MYH11: variants seen among roughly 807,000 people sequenced by gnomAD.
MYH11 encodes myosin-11.
In MYH11, 80 loss-of-function variants were observed where a neutral mutation model predicts 246.6. That is an observed-to-expected ratio of 0.32 (90% confidence interval 0.27 to 0.39). The LOEUF (loss-of-function observed/expected upper bound fraction) is 0.39, where lower values mean the gene tolerates loss of function less well. Ranked by LOEUF, MYH11 falls within the 10% of genes least tolerant of loss-of-function variation. MYH11 has a pLI of 1.00. For synonymous variants in MYH11, 1,071 were observed against 1,015.5 expected (o/e 1.05, Z -1.04); for missense variants, 2,158 against 2,546.8 (o/e 0.85, Z 3.29).
intron 24 of MYH11, among the ~76,000 whole-genome samples, chr16:15,738,094 ATAT>A (rs1389131361): frequency 2.0e-5 from 3 of 152,042 alleles, no homozygotes; most frequent in Admixed American, 6.6e-5. Context: ...CCCTTTTATC[ATAT>A]TATTAGTGCA....
intron 9 of MYH11, among the ~76,000 whole-genome samples, chr16:15,764,530 G>C (rs2041939616): frequency 6.6e-6 from 1 of 151,834 alleles, no homozygotes; most frequent in African/African-American, 2.4e-5. Flanking sequence ...CCGAACAAAA[G>C]AGGACAGATG....
At chr16:15,790,942 T>G (rs974986529) in intron 4 of MYH11, 3 of 148,438 alleles carry the variant, frequency 2.0e-5, no homozygotes, top group African/African-American at 7.5e-5. Context: ...ACGCTCTGCA[T>G]TTTTTTTCTT....
In MYH11 at chr16:15,750,042, G is replaced by T; in HGVS notation, c.2058+96C>A. 2 of 1,454,694 alleles carry T rather than the reference G, an allele frequency of 1.4e-6. No homozygotes were observed. Among genetic ancestry groups the T allele is most frequent in the East Asian group, 4.6e-5 (2 of 43,792 alleles). 90.1% of individuals were successfully genotyped at this position (1,454,694 alleles called of 1,614,324 possible). A position where few individuals can be genotyped will look rare whatever the true frequency, so the allele number is the denominator to read the frequency against. On this transcript the variant is annotated intron_variant, in intron 16 of 40. Coordinates refer to ENST00000300036, the MANE Select transcript of MYH11 (RefSeq NM_002474.3). The surrounding 1 kb of genome is among the most constrained non-coding windows in gnomAD (Gnocchi z 4.3). ...TCCCCACATGGAAAATGGGGTCCTC[G>T]GGGTAGGTGGGGGCAGAGGGCGCCC...
chr16:15,724,620 A>C (rs371060650), intron 30 of MYH11, 27 bp downstream of exon 30: 10 of 1,613,280 alleles, frequency 6.2e-6, no homozygotes, highest in Admixed American at 3.3e-5. Flanking sequence ...AGGACCCATG[A>C]AGGAAGCAAG....
At chr16:15,828,052 G>A (rs1386279378) in intron 2 of MYH11, among the ~76,000 whole-genome samples, 1 of 152,150 alleles carries the variant, frequency 6.6e-6, no homozygotes, top group African/African-American at 2.4e-5. Flanking sequence ...CCCTTGACCT[G>A]GAGGCAGTAA....
intron 3 of MYH11, among the ~76,000 whole-genome samples, chr16:15,815,583 G>C (rs2043244190): frequency 6.6e-6 from 1 of 152,058 alleles, no homozygotes. Context: ...CTAAGAAAAA[G>C]AAACAGAGAA....
At chr16:15,853,326 T>A (rs933257028) in intron 1 of MYH11, among the ~76,000 whole-genome samples, 1 of 151,762 alleles carries the variant, frequency 6.6e-6, no homozygotes, top group East Asian at 2.0e-4. Context: ...ATTTTAAAAA[T>A]TTTTTTGTAG....
chr16:15,771,542 C>T (rs771222917), intron 9 of MYH11, 27 bp downstream of exon 9: 7 of 1,612,676 alleles, frequency 4.3e-6, no homozygotes, highest in South Asian at 1.1e-5. Flanking sequence ...GGCAAGCTAC[C>T]CTCCAGACTC....
chr16:15,789,947 C>G (rs1487167550), intron 4 of MYH11, among the ~76,000 whole-genome samples: 1 of 152,210 alleles, frequency 6.6e-6, no homozygotes, highest in African/African-American at 2.4e-5. Flanking sequence ...CTCACTTCTC[C>G]TTTCCCACAA....
At chr16:15,828,660 G>A (rs149339967) in intron 2 of MYH11, among the ~76,000 whole-genome samples, 5,576 of 151,544 alleles carry the variant, frequency 0.037, 329 homozygotes, top group African/African-American at 0.13. Flanking sequence ...AGGCATGATG[G>A]CAGGCGCCTG....
chr16:15,720,227 A>G lies in MYH11; in HGVS notation c.4877T>C (p.Leu1626Pro), dbSNP rs2040394321. 1.9e-6 allele frequency: 3 copies of G among 1,614,036 alleles called. No individual in the cohort carries two copies. Among genetic ancestry groups the G allele is most frequent in the Non-Finnish European group, 2.5e-6 (3 of 1,179,998 alleles). ...AAAKKKLEGD[L>P]KDLELQADSA... ...GTCGGCCTGAAGCTCCAGGTCTTTC[A>G]GGTCCCCTTCCAGCTTCTTCTTTGC... Residue 1626 changes from leucine to proline, a missense_variant, in exon 34 of 41, where the codon CTG (leucine) becomes CCG (proline). This residue lies in a region of MYH11 where 1,013 missense variants were observed against 993.5 expected (regional missense o/e 1.02). Coordinates refer to ENST00000300036, the MANE Select transcript of MYH11 (RefSeq NM_002474.3).
chr16:15,748,198 C>G (rs1442028325), intron 16 of MYH11, 30 bp from the exon 17 acceptor site: 2 of 1,612,318 alleles, frequency 1.2e-6, no homozygotes, highest in Non-Finnish European at 1.7e-6. Context: ...CAGTGGATCC[C>G]TGGGGCCAGA....
At chr16:15,835,713 A>G (rs1204298339) in intron 2 of MYH11, among the ~76,000 whole-genome samples, 1 of 150,824 alleles carries the variant, frequency 6.6e-6, no homozygotes, top group Non-Finnish European at 1.5e-5. Context: ...AGTGCTTTCT[A>G]TTTAGAGTAA....
intron 19 of MYH11, among the ~76,000 whole-genome samples, chr16:15,747,033 A>G (rs1331139968): frequency 6.6e-6 from 1 of 151,840 alleles, no homozygotes; most frequent in Non-Finnish European, 1.5e-5. Context: ...GGTTGCAGTG[A>G]GTTGAGACTG....
rs902364394 is a variant in MYH11, at chr16:15,750,975, G to C, written c.1865-644C>G. Among the ~76,000 whole-genome samples the C allele has an allele frequency of 6.6e-6, 1 of 152,062 alleles. No homozygotes were observed. Among genetic ancestry groups the C allele is most frequent in the African/African-American group, 2.4e-5 (1 of 41,394 alleles). On this transcript the variant is annotated intron_variant, in intron 15 of 40. Transcript: ENST00000300036. This position sits in a 1 kb window ranked among gnomAD's most constrained non-coding sequence, Gnocchi z 4.3. ...CTTAGACAAGGAGGTGGTGGGCTCT[G>C]CTAAGTTGATATTTGAGCAGAAACC...
intron 1 of MYH11, among the ~76,000 whole-genome samples, chr16:15,850,087 A>G (rs1567219727): frequency 6.6e-6 from 1 of 152,190 alleles, no homozygotes; most frequent in Non-Finnish European, 1.5e-5. Flanking sequence ...CTTCAGCATT[A>G]ATAAAAAGTA....
chr16:15,800,679 G>A (rs1217569519), intron 3 of MYH11, among the ~76,000 whole-genome samples: 1 of 151,814 alleles, frequency 6.6e-6, no homozygotes, highest in African/African-American at 2.4e-5. Context: ...GACTGAAGAA[G>A]GCAAGGTGAA....
chr16:15,839,795 A>G (rs2044005645), intron 1 of MYH11, among the ~76,000 whole-genome samples: 1 of 151,986 alleles, frequency 6.6e-6, no homozygotes, highest in Admixed American at 6.5e-5. Context: ...CACACCTGTA[A>G]TCCCAGCACT....
At chr16:15,856,645 G>C (rs571624191) in intron 1 of MYH11, among the ~76,000 whole-genome samples, 2 of 151,770 alleles carry the variant, frequency 1.3e-5, no homozygotes, top group South Asian at 4.2e-4. Flanking sequence ...CAGTTTTTCT[G>C]GGGATTCTAG....
Sources: allele counts gnomAD v4.1 joint callset (sites outside exome capture counted in the v4.1 genomes callset), GRCh38; gene constraint gnomAD v4.1.1; regional missense constraint gnomAD v4.1.1; non-coding constraint Gnocchi (gnomAD v3.1); transcripts MANE v1.5; gene names NCBI Gene and HGNC (gene_info 2026-07-23, HGNC 2026-07-21).